ADGRG7: variants seen among roughly 807,000 people sequenced by gnomAD.
ADGRG7 encodes the protein adhesion G protein-coupled receptor G7, also known as G-protein coupled receptor 128.
ADGRG7 carries 82 observed loss-of-function variants against 88.6 expected under a neutral mutation model. The ratio of observed to expected loss-of-function variants is 0.93; its 90% CI spans 0.77 to 1.11. The LOEUF is 1.11. ADGRG7 is among the 50% of genes most tolerant of loss of function. The probability of loss-of-function intolerance (pLI) is 0.00; values close to 1 mark genes in which losing one functional copy is unlikely to be tolerated. For synonymous variants in ADGRG7, 381 were observed against 345.2 expected, an observed-to-expected ratio of 1.10 and a Z score of -1.15; for missense variants, 945 against 953.4, an observed-to-expected ratio of 0.99 and a Z score of 0.12.
intron 14 of ADGRG7, chr3:100,664,965 C>A: frequency 2.8e-6 from 1 of 357,178 alleles, no homozygotes; most frequent in Non-Finnish European, 5.6e-6. Flanking sequence ...AGTAACAATG[C>A]ATTTTTAGAC....
At chr3:100,646,867 A>G (rs749583585) in intron 10 of ADGRG7, 143 bp downstream of exon 10, 3 of 809,498 alleles carry the variant, frequency 3.7e-6, no homozygotes, top group Non-Finnish European at 5.6e-6. Flanking sequence ...AAATAAAATA[A>G]TGGGACTTAA....
intron 13 of ADGRG7, among the ~76,000 whole-genome samples, chr3:100,658,679 G>C (rs2094940778): frequency 6.6e-6 from 1 of 151,862 alleles, no homozygotes; most frequent in Non-Finnish European, 1.5e-5. Context: ...GGTTTTCCCT[G>C]ACCACTCTAT....
intron 12 of ADGRG7, 79 bp from the exon 13 acceptor site, chr3:100,655,820 G>A (rs2094936804): frequency 2.3e-6 from 2 of 851,582 alleles, no homozygotes; most frequent in South Asian, 1.5e-5. Flanking sequence ...AGGGTCAGAT[G>A]TATAATTCAT....
chr3:100,652,754 C>T (rs1435719787), intron 11 of ADGRG7, among the ~76,000 whole-genome samples: 1 of 152,052 alleles, frequency 6.6e-6, no homozygotes, highest in African/African-American at 2.4e-5. Context: ...CATACATACA[C>T]ACACACCACA....
At chr3:100,626,667 C>A (rs1476517219) in intron 1 of ADGRG7, among the ~76,000 whole-genome samples, 1 of 152,118 alleles carries the variant, frequency 6.6e-6, no homozygotes, top group Non-Finnish European at 1.5e-5. Context: ...TGCCCGTAGT[C>A]CCAGCTACTC....
intron 14 of ADGRG7, among the ~76,000 whole-genome samples, chr3:100,666,602 C>T (rs941701403): frequency 7.9e-5 from 12 of 152,074 alleles, no homozygotes; most frequent in African/African-American, 1.9e-4. Context: ...TGCCCAGGGA[C>T]GGGCAGGAGA....
rs1318047810 is a variant in ADGRG7 at position 100,645,932 on chromosome 3, T to A, written c.947-13T>A. 9 of 1,606,504 alleles carry A rather than the reference T, an allele frequency of 5.6e-6. No individual in the cohort carries two copies. Among genetic ancestry groups the A allele is most frequent in the Non-Finnish European group, 6.8e-6 (8 of 1,177,350 alleles). ...GTGCACTTATTGATTTTAATGTCTT[T>A]TTCTCCCTATAGATTACACCAAGAC... On this transcript the variant is annotated splice_polypyrimidine_tract_variant and intron_variant, in intron 8 of 15. Coordinates refer to ENST00000273352, the MANE Select transcript of ADGRG7 (RefSeq NM_032787.3).
At chr3:100,635,600 A>G in intron 4 of ADGRG7, 77 bp from the exon 5 acceptor site, 1 of 1,549,128 alleles carries the variant, frequency 6.5e-7, no homozygotes, top group Non-Finnish European at 8.7e-7. Flanking sequence ...ATTCCAGCTT[A>G]TTTACCTGCA....
intron 3 of ADGRG7, among the ~76,000 whole-genome samples, chr3:100,632,016 T>C (rs1707465503): frequency 6.6e-6 from 1 of 152,174 alleles, no homozygotes; most frequent in Non-Finnish European, 1.5e-5. Context: ...ATATATACTA[T>C]ATATACCATA....
At chr3:100,641,790 G>T (rs1707645426) in intron 6 of ADGRG7, among the ~76,000 whole-genome samples, 1 of 152,192 alleles carries the variant, frequency 6.6e-6, no homozygotes, top group South Asian at 2.1e-4. Flanking sequence ...TCAACAGGAA[G>T]AATTAGCCTC....
chr3:100,624,681 A>C (rs986196307), intron 1 of ADGRG7, among the ~76,000 whole-genome samples: 82 of 152,290 alleles, frequency 5.4e-4, no homozygotes, highest in African/African-American at 1.9e-3. Flanking sequence ...TTTACATTAA[A>C]GTCTTTAATC....
chr3:100,615,799 C>G (rs1676346), intron 1 of ADGRG7, among the ~76,000 whole-genome samples: 48,383 of 151,976 alleles, frequency 0.32, 8,117 homozygotes, highest in African/African-American at 0.35. Context: ...ATATGAGGGG[C>G]AGCAAGCACT....
chr3:100,682,228 A>T (rs2149040315), intron 15 of ADGRG7, among the ~76,000 whole-genome samples: 1 of 152,172 alleles, frequency 6.6e-6, no homozygotes, highest in South Asian at 2.1e-4. Flanking sequence ...CGCTCACCGG[A>T]GGGAGAGCAG....
At chr3:100,683,509 G>A (rs1012683250) in intron 15 of ADGRG7, among the ~76,000 whole-genome samples, 1 of 152,242 alleles carries the variant, frequency 6.6e-6, no homozygotes, top group Non-Finnish European at 1.5e-5. Flanking sequence ...GCTGGCGCTT[G>A]TGCCAGTGCC....
At chr3:100,691,932 T>C (rs2094994667) in intron 15 of ADGRG7, among the ~76,000 whole-genome samples, 1 of 152,192 alleles carries the variant, frequency 6.6e-6, no homozygotes, top group South Asian at 2.1e-4. Context: ...TCACAGTAGA[T>C]AACATCTTTG....
rs1208354299 is a variant in ADGRG7, at chr3:100,678,738, G to A, written c.2136+9633G>A. Among the ~76,000 whole-genome samples, 7 of 152,342 alleles carry A rather than the reference G, an allele frequency of 4.6e-5. No homozygotes were observed. In the East Asian group the frequency reaches 7.7e-4, roughly 17 times the overall value. On this transcript the variant is annotated intron_variant, in intron 15 of 15. Coordinates refer to ENST00000273352, the MANE Select transcript of ADGRG7 (RefSeq NM_032787.3). ...TCTTGGCATCTTAGGTAAGATCTGG[G>A]AGAATTGCATGGATTATGAGGCAGA... is the stretch of plus-strand genomic sequence containing the variant.
chr3:100,625,109 C>T (rs1388221871), intron 1 of ADGRG7, among the ~76,000 whole-genome samples: 1 of 152,128 alleles, frequency 6.6e-6, no homozygotes, highest in Non-Finnish European at 1.5e-5. Context: ...AGAATTGAAT[C>T]TATGAATTGC....
chr3:100,669,297 T>C (rs1314775140), intron 15 of ADGRG7, among the ~76,000 whole-genome samples, 192 bp downstream of exon 15: 2 of 151,782 alleles, frequency 1.3e-5, no homozygotes, highest in Non-Finnish European at 2.9e-5. Context: ...CCATCCTGGA[T>C]AACATGGGGA....
At chr3:100,621,850 A>G (rs1002254910) in intron 1 of ADGRG7, among the ~76,000 whole-genome samples, 3 of 152,216 alleles carry the variant, frequency 2.0e-5, no homozygotes, top group African/African-American at 7.2e-5. Flanking sequence ...TCTGGCTCCA[A>G]ACTTCAAAGG....
Sources: gnomAD v4.1 joint callset for allele counts (sites outside exome capture counted in the v4.1 genomes callset) on GRCh38, gnomAD v4.1.1 for gene constraint, MANE v1.5 for transcripts, NCBI Gene and HGNC (gene_info 2026-07-23, HGNC 2026-07-21) for gene names.